The following LNPEP variants were observed in gnomAD, a reference collection of about 807,000 sequenced individuals.
The protein encoded by LNPEP is leucyl-cystinyl aminopeptidase.
LNPEP carries 64 observed loss-of-function variants against 120.6 expected under a neutral mutation model. The observed-to-expected ratio is 0.53, with a 90% CI of 0.43 to 0.65. The LOEUF (loss-of-function observed/expected upper bound fraction) is 0.65, where lower values mean the gene tolerates loss of function less well. Among genes scored for constraint, LNPEP ranks in the 30% least tolerant of loss-of-function variants. The pLI, the probability that LNPEP is intolerant of heterozygous loss-of-function variation, is 0.00. For missense variants in LNPEP, 1,057 were observed against 1,200.0 expected, an observed-to-expected ratio of 0.88 and a Z score of 1.76; for synonymous variants, 435 against 425.4, an observed-to-expected ratio of 1.02 and a Z score of -0.28.
chr5:96,947,019 T>G (rs1214573939), intron 1 of LNPEP, among the ~76,000 whole-genome samples: 1 of 152,228 alleles, frequency 6.6e-6, no homozygotes, highest in African/African-American at 2.4e-5. Context: ...TAAGGAATTA[T>G]AGGTTAAGAT....
chr5:96,965,777 A>G (rs1314350902), intron 1 of LNPEP, among the ~76,000 whole-genome samples: 1 of 152,158 alleles, frequency 6.6e-6, no homozygotes, highest in African/African-American at 2.4e-5. Flanking sequence ...TTAAGTCAAC[A>G]TGGGTTAAAA....
intron 1 of LNPEP, among the ~76,000 whole-genome samples, chr5:96,965,882 A>G (rs897414718): frequency 6.6e-6 from 1 of 152,116 alleles, no homozygotes; most frequent in African/African-American, 2.4e-5. Context: ...TTTAGATTTT[A>G]TGATTAAGAT....
chr5:97,016,739 A>G (rs1264176836), intron 13 of LNPEP, among the ~76,000 whole-genome samples: 1 of 152,136 alleles, frequency 6.6e-6, no homozygotes. Context: ...GATTTTTTTT[A>G]TATCTAAAAT....
In LNPEP at chr5:96,954,631, TACATATATACATATATACATATATAC is replaced by T. The variant is rs1374650155; in HGVS notation, c.19+18477_19+18502del. ...CTCTCTCTCTCTCTATATATATATA[TACATATATACATATATACATATATAC>T]ACATATATACATATATACACATATA... On this transcript the variant is annotated intron_variant, in intron 1 of 17. Transcript: ENST00000231368. 3.5e-4 allele frequency among the ~76,000 whole-genome samples: 23 copies of T among 66,034 alleles called. 1 individual carries two copies. The highest frequency in any genetic ancestry group is 3.4e-3 in the East Asian group (9 of 2,658). 43.3% of individuals were successfully genotyped at this position (66,034 alleles called of 152,430 possible).
In LNPEP at chr5:97,015,029, T is replaced by C; in HGVS notation, c.2310T>C (p.Phe770=). Reference sequence around the variant, plus strand: ...CTGCACCCATCACCGAAGCCCTGTTTCAGACAGACCTCATCTATAACCTCC... The same window carrying C: ...CTGCACCCATCACCGAAGCCCTGTTCCAGACAGACCTCATCTATAACCTCC... ...NHTAPITEAL[F]QTDLIYNLLE... Residue 770 remains phenylalanine (F), a synonymous_variant, in exon 13 of 18, where the codon TTT becomes TTC. Transcript: ENST00000231368. 6.2e-7 allele frequency: 1 copy of C among 1,604,880 alleles called. No homozygotes were observed. Among genetic ancestry groups the C allele is most frequent in the Non-Finnish European group, 8.5e-7 (1 of 1,175,702 alleles).
At chr5:96,995,935 C>T (rs185520514) in intron 6 of LNPEP, 1 of 155,514 alleles carries the variant, frequency 6.4e-6, no homozygotes, top group Admixed American at 6.5e-5. Context: ...TTTCTGATTA[C>T]AGGAAAATCT....
At chr5:96,990,493 CA>C (rs1294284942) in intron 4 of LNPEP, among the ~76,000 whole-genome samples, 1 of 152,204 alleles carries the variant, frequency 6.6e-6, no homozygotes, top group African/African-American at 2.4e-5. Context: ...ATATTCTGTT[CA>C]CACATATTTT....
chr5:96,962,002 T>C (rs1789618994), intron 1 of LNPEP, among the ~76,000 whole-genome samples: 1 of 152,166 alleles, frequency 6.6e-6, no homozygotes, highest in African/African-American at 2.4e-5. Context: ...GAATACCTAC[T>C]AAGTACCTGG....
intron 13 of LNPEP, among the ~76,000 whole-genome samples, chr5:97,021,717 G>A (rs1278162313): frequency 2.0e-5 from 3 of 151,954 alleles, no homozygotes; most frequent in African/African-American, 7.3e-5. Flanking sequence ...ATTTTTTTCT[G>A]AGTTAACATC....
rs553006833 is a variant in LNPEP, at chr5:96,970,346, A to G, written c.20-8792A>G. Among the ~76,000 whole-genome samples the G allele has an allele frequency of 4.6e-5, 7 of 152,146 alleles. No individual in the cohort carries two copies. In the South Asian group the frequency reaches 1.5e-3, roughly 32 times the overall value. On this transcript the variant is annotated intron_variant, in intron 1 of 17. Transcript: ENST00000231368. The stretch of plus-strand genomic sequence containing the variant: ...TGAAACACTGTTATTAGGTATACAT[A>G]TTTAAGATTGATATCCTGCTGAATT...
intron 12 of LNPEP, among the ~76,000 whole-genome samples, chr5:97,014,163 G>A (rs1791006886): frequency 6.6e-6 from 1 of 152,114 alleles, no homozygotes; most frequent in African/African-American, 2.4e-5. Flanking sequence ...GTTGGTTTAA[G>A]CATGAAGCTT....
chr5:96,977,318 G>A (rs187679274), intron 1 of LNPEP, among the ~76,000 whole-genome samples: 40 of 152,116 alleles, frequency 2.6e-4, no homozygotes, highest in Admixed American at 3.9e-4. Flanking sequence ...ATGGGCATGG[G>A]AAAGGGAGAT....
intron 1 of LNPEP, among the ~76,000 whole-genome samples, chr5:96,941,452 A>G (rs1264106409): frequency 6.6e-6 from 1 of 152,202 alleles, no homozygotes; most frequent in Non-Finnish European, 1.5e-5. Flanking sequence ...GCAACCAGAA[A>G]GACACAGTCT....
intron 1 of LNPEP, among the ~76,000 whole-genome samples, chr5:96,968,007 A>G (rs1789767804): frequency 6.6e-6 from 1 of 152,222 alleles, no homozygotes; most frequent in South Asian, 2.1e-4. Flanking sequence ...CTCAACTTCT[A>G]ATTCTTGAAC....
chr5:96,937,207 A>C (rs1014686649), intron 1 of LNPEP: 1 of 152,222 alleles, frequency 6.6e-6, no homozygotes, highest in African/African-American at 2.4e-5. Context: ...ATCCCTGTTT[A>C]GTTTGTTAGT....
chr5:97,006,243 C>G lies in LNPEP; in HGVS notation c.1946+10C>G, dbSNP rs763573181. The G allele has an allele frequency of 3.1e-6, 5 of 1,590,324 alleles. No individual in the cohort carries two copies. The Admixed American group carries it at 9.2e-5, about 29-fold the overall frequency. ...AGCCTTCAGATACAAGGTACATGCC[C>G]TCTTTCTTTTCATGCCATCTCTTTT... On this transcript the variant is annotated intron_variant, in intron 10 of 17. Coordinates refer to ENST00000231368, the MANE Select transcript of LNPEP (RefSeq NM_005575.3).
At chr5:97,003,328 A>C in intron 8 of LNPEP, 87 bp from the exon 9 acceptor site, 1 of 761,326 alleles carries the variant, frequency 1.3e-6, no homozygotes, top group East Asian at 2.8e-5. Context: ...TTTTAGAATG[A>C]CTGTAGTTTG....
intron 5 of LNPEP, among the ~76,000 whole-genome samples, chr5:96,993,608 G>A (rs1485890758): frequency 6.6e-6 from 1 of 152,160 alleles, no homozygotes; most frequent in Admixed American, 6.6e-5. Flanking sequence ...AGGGACAGTG[G>A]AACAGTGACT....
chr5:96,980,555 T>C (rs1790098697), intron 2 of LNPEP, among the ~76,000 whole-genome samples: 1 of 152,182 alleles, frequency 6.6e-6, no homozygotes, highest in Admixed American at 6.5e-5. Flanking sequence ...TGAGACAAAA[T>C]ATAAAATTAT....
Sources: gnomAD v4.1 joint callset for allele counts (sites outside exome capture counted in the v4.1 genomes callset) on GRCh38, gnomAD v4.1.1 for gene constraint, MANE v1.5 for transcripts, NCBI Gene and HGNC (gene_info 2026-07-23, HGNC 2026-07-21) for gene names.